Variants in MSH4 observed in about 807,000 individuals in gnomAD.
MSH4 encodes the protein mutS homolog 4, also known as mutS protein homolog 4.
Under a neutral mutation model 113.7 loss-of-function variants are expected in MSH4, and 106 were observed. The ratio of observed to expected loss-of-function variants is 0.93; its 90% CI spans 0.80 to 1.10. The LOEUF (loss-of-function observed/expected upper bound fraction) is 1.10, where lower values mean the gene tolerates loss of function less well. Ranked by LOEUF, MSH4 falls within the 50% of genes least tolerant of loss-of-function variation. The pLI, the probability that MSH4 is intolerant of heterozygous loss-of-function variation, is 0.00. For synonymous variants in MSH4, 368 were observed against 380.2 expected (o/e 0.97, Z 0.37); for missense variants, 1,061 against 1,093.7 (o/e 0.97, Z 0.42).
chr1:75,912,643 A>C, intron 19 of MSH4, 53 bp from the exon 20 acceptor site: 1 of 1,157,950 alleles, frequency 8.6e-7, no homozygotes, highest in Non-Finnish European at 1.1e-6. Flanking sequence ...GGTTTAAATA[A>C]AAATTATGGT....
chr1:75,908,894 C>A (rs143451084), intron 19 of MSH4, among the ~76,000 whole-genome samples: 95 of 152,262 alleles, frequency 6.2e-4, no homozygotes, highest in African/African-American at 2.3e-3. Flanking sequence ...AGAGGGGATA[C>A]CTCAGCTGTG....
At chr1:75,850,147 T>C (rs904851408) in intron 8 of MSH4, among the ~76,000 whole-genome samples, 4 of 152,082 alleles carry the variant, frequency 2.6e-5, no homozygotes, top group Non-Finnish European at 5.9e-5. Flanking sequence ...TTTCTCTTTT[T>C]TGCTCCTGTT....
intron 10 of MSH4, among the ~76,000 whole-genome samples, chr1:75,877,261 TC>T (rs1429771030): frequency 6.6e-6 from 1 of 152,114 alleles, no homozygotes; most frequent in Non-Finnish European, 1.5e-5. Context: ...TTTTAATATT[TC>T]CTTTTAAAGC....
intron 9 of MSH4, among the ~76,000 whole-genome samples, chr1:75,873,456 T>C (rs1304918638): frequency 6.6e-6 from 1 of 152,158 alleles, no homozygotes; most frequent in Non-Finnish European, 1.5e-5. Flanking sequence ...ATGTTTGTTA[T>C]GTGGGTAAAC....
intron 19 of MSH4, among the ~76,000 whole-genome samples, chr1:75,906,681 A>C (rs1571003241): frequency 6.9e-6 from 1 of 144,604 alleles, no homozygotes; most frequent in East Asian, 2.0e-4. Context: ...CATAGAGAGA[A>C]GAAAGTAACA....
In MSH4 at chr1:75,816,466, C is replaced by G. The variant is rs756022702; in HGVS notation, c.909C>G (p.Phe303Leu). 9 of 1,610,830 alleles carry G rather than the reference C, an allele frequency of 5.6e-6. No homozygotes were observed. In the Admixed American group the frequency reaches 1.3e-4, roughly 24 times the overall value. The change falls in exon 6 of 20, where the codon TTC (phenylalanine) becomes TTG (leucine). Residue 303 changes from phenylalanine to leucine, a missense_variant. Phe to Leu is a conservative substitution (Grantham distance 22). Transcript: ENST00000263187. Reference sequence around the variant, plus strand: ...CACCAAAATCACTGAAGATTTGTTTCCAGGGTAGTGAACAGACAGCCATGA... The same window carrying G: ...CACCAAAATCACTGAAGATTTGTTTGCAGGGTAGTGAACAGACAGCCATGA... ...VYAPKSLKIC[F>L]QGSEQTAMID...
Position 75,797,211 on chromosome 1 carries a change from A to G in MSH4, c.226A>G (p.Asn76Asp), listed in dbSNP as rs1339126874. The G allele has an allele frequency of 6.2e-7, 1 of 1,605,332 alleles. No individual in the cohort carries two copies. Among genetic ancestry groups the G allele is most frequent in the South Asian group, 1.1e-5 (1 of 89,800 alleles). The change falls in exon 1 of 20, where the codon AAC (asparagine) becomes GAC (aspartate). Residue 76 changes from asparagine (N) to aspartate (D), a missense_variant. Coordinates refer to ENST00000263187, the MANE Select transcript of MSH4 (RefSeq NM_002440.4). ...SSSSLPCPAP[N>D]SRPAQGSYFG... ...CAGCAGCCTTCCCTGCCCCGCGCCA[A>G]ACTCCCGGCCAGCTCAAGGCAAGGA...
intron 15 of MSH4, among the ~76,000 whole-genome samples, chr1:75,885,203 G>A (rs1160902539): frequency 7.0e-6 from 1 of 142,022 alleles, no homozygotes; most frequent in East Asian, 2.0e-4. Context: ...TATATATAGG[G>A]TATATATATA....
chr1:75,841,340 G>A (rs1650955943), intron 7 of MSH4, among the ~76,000 whole-genome samples: 1 of 151,948 alleles, frequency 6.6e-6, no homozygotes, highest in South Asian at 2.1e-4. Flanking sequence ...TATGTCTACA[G>A]GCCTGCACCA....
chr1:75,822,158 G>A (rs1435020332), intron 6 of MSH4, among the ~76,000 whole-genome samples: 2 of 151,888 alleles, frequency 1.3e-5, no homozygotes, highest in Non-Finnish European at 2.9e-5. Context: ...GCGTGGTGGC[G>A]GGCGCCTGTA....
chr1:75,892,664 G>A (rs188887236), intron 17 of MSH4, among the ~76,000 whole-genome samples: 179 of 152,294 alleles, frequency 1.2e-3, no homozygotes, highest in Admixed American at 1.5e-3. Context: ...GGAAAGCAAA[G>A]GATGAACTCA....
At chr1:75,877,658 C>T (rs1651843968) in intron 10 of MSH4, among the ~76,000 whole-genome samples, 1 of 152,126 alleles carries the variant, frequency 6.6e-6, no homozygotes, top group Non-Finnish European at 1.5e-5. Flanking sequence ...CTGAACTTTA[C>T]CACTGGTAAT....
At chr1:75,817,664 C>T (rs1044271881) in intron 6 of MSH4, among the ~76,000 whole-genome samples, 20 of 152,284 alleles carry the variant, frequency 1.3e-4, no homozygotes, top group African/African-American at 4.6e-4. Context: ...ATTCTACGTA[C>T]TGAACTATCT....
intron 15 of MSH4, among the ~76,000 whole-genome samples, chr1:75,888,097 ATTAC>A (rs1652166309): frequency 6.6e-6 from 1 of 150,454 alleles, no homozygotes; most frequent in Non-Finnish European, 1.5e-5. Context: ...TGTTATGATT[ATTAC>A]TTTTATTTTC....
chr1:75,806,829 T>C (rs932919788), intron 2 of MSH4, 152 bp from the exon 3 acceptor site: 5 of 651,220 alleles, frequency 7.7e-6, no homozygotes, highest in Admixed American at 4.2e-5. Context: ...ACTGAACCAA[T>C]AGATCCTTTA....
intron 3 of MSH4, among the ~76,000 whole-genome samples, chr1:75,810,241 C>CTGTT (rs60140327): frequency 0.82 from 123,245 of 150,272 alleles, 51,292 homozygotes; most frequent in South Asian, 0.94. Context: ...GTTTGTTTGT[C>CTGTT]TGTTTTTGAG....
At chr1:75,886,504 T>A (rs1397094775) in intron 15 of MSH4, among the ~76,000 whole-genome samples, 1 of 121,578 alleles carries the variant, frequency 8.2e-6, no homozygotes, top group African/African-American at 3.1e-5. Context: ...ATATGATGTA[T>A]TATATATAAT....
Position 75,897,958 on chromosome 1 carries a change from C to T in MSH4, c.2407C>T (p.Leu803=), listed in dbSNP as rs1015448121. 1 of 1,601,768 alleles carries T rather than the reference C, an allele frequency of 6.2e-7. No homozygotes were observed. The highest frequency in any genetic ancestry group is 1.3e-5 in the African/African-American group (1 of 74,634). Residue 803 remains leucine, a synonymous_variant, in exon 18 of 20, where the codon CTG becomes TTG. Transcript: ENST00000263187. ...HFLELCHIDA[L]YPNVENMHFE... is the part of the protein sequence containing the mutation. Reference sequence around the variant, plus strand: ...CCTGGAACTATGCCATATTGATGCCCTGTATCCTAATGTAGAAAACATGCA... The same window carrying T: ...CCTGGAACTATGCCATATTGATGCCTTGTATCCTAATGTAGAAAACATGCA...
intron 19 of MSH4, among the ~76,000 whole-genome samples, chr1:75,900,147 A>G (rs1448889319): frequency 6.6e-6 from 1 of 152,184 alleles, no homozygotes; most frequent in African/African-American, 2.4e-5. Flanking sequence ...AAAAGATTAA[A>G]AAAGGATTAC....
Sources: gnomAD v4.1 joint callset for allele counts (sites outside exome capture counted in the v4.1 genomes callset) on GRCh38, gnomAD v4.1.1 for gene constraint, MANE v1.5 for transcripts, NCBI Gene and HGNC (gene_info 2026-07-23, HGNC 2026-07-21) for gene names.